Variants in ESR1 observed in about 807,000 individuals in gnomAD.
ESR1 encodes estrogen receptor.
ESR1 carries 12 observed loss-of-function variants against 52.7 expected under a neutral mutation model. The observed-to-expected ratio is 0.23, with a 90% CI of 0.15 to 0.37. The LOEUF is 0.37. Ranked by LOEUF, ESR1 falls within the 10% of genes least tolerant of loss-of-function variation. ESR1 has a pLI of 1.00. For synonymous variants in ESR1, 305 were observed against 316.8 expected (o/e 0.96, Z 0.39); for missense variants, 584 against 779.7 (o/e 0.75, Z 2.99).
chr6:152,086,302 C>T (rs139979387), intron 6 of ESR1, among the ~76,000 whole-genome samples: 148 of 151,334 alleles, frequency 9.8e-4, no homozygotes, highest in Middle Eastern at 3.4e-3. Context: ...AATATAGATC[C>T]GTAATGGCTT....
intron 6 of ESR1, among the ~76,000 whole-genome samples, chr6:152,113,478 G>A (rs189687281): frequency 1.6e-3 from 242 of 152,246 alleles, no homozygotes; most frequent in Admixed American, 7.0e-3. Context: ...CAGGGCTGTC[G>A]AGAGTCTGAG....
intron 4 of ESR1, among the ~76,000 whole-genome samples, chr6:151,949,716 G>A (rs1010941986): frequency 3.3e-5 from 5 of 152,218 alleles, no homozygotes; most frequent in Admixed American, 2.0e-4. Flanking sequence ...TACTGCTCCC[G>A]TGGAAGCTCT....
intron 2 of ESR1, among the ~76,000 whole-genome samples, chr6:151,740,285 ATT>A (rs386408967): frequency 2.2e-3 from 235 of 107,976 alleles, no homozygotes; most frequent in African/African-American, 7.8e-3. Context: ...TGCCTGGCTA[ATT>A]TTTTTTTTTT....
chr6:151,921,334 C>G (rs1280045951), intron 3 of ESR1, among the ~76,000 whole-genome samples: 1 of 152,162 alleles, frequency 6.6e-6, no homozygotes, highest in Non-Finnish European at 1.5e-5. Context: ...CAGTCTATCA[C>G]TGATAGGCAT....
chr6:151,974,559 T>G (rs2039247920), intron 4 of ESR1, among the ~76,000 whole-genome samples: 1 of 152,112 alleles, frequency 6.6e-6, no homozygotes, highest in Non-Finnish European at 1.5e-5. Flanking sequence ...CCATGCCAAA[T>G]TACATTAAAA....
intron 4 of ESR1, among the ~76,000 whole-genome samples, chr6:151,997,931 C>A (rs1315511666): frequency 6.6e-6 from 1 of 151,316 alleles, no homozygotes; most frequent in East Asian, 2.0e-4. Flanking sequence ...AGAGGTGTCC[C>A]CAAAGCTTTC....
chr6:151,725,568 G>A (rs1781778357), intron 2 of ESR1, among the ~76,000 whole-genome samples: 1 of 152,176 alleles, frequency 6.6e-6, no homozygotes, highest in Non-Finnish European at 1.5e-5. Flanking sequence ...CTAATTAATA[G>A]AGAAAAAGCA....
chr6:151,977,963 G>GAAAAAAAAAAAA (rs5880951), intron 4 of ESR1, among the ~76,000 whole-genome samples: 69 of 118,296 alleles, frequency 5.8e-4, no homozygotes, highest in Middle Eastern at 4.3e-3. Context: ...AAAAAAAAAA[G>GAAAAAAAAAAAA]AAAAAAAAAA....
chr6:151,873,644 C>G (rs9479136), intron 2 of ESR1, among the ~76,000 whole-genome samples: 1 of 152,178 alleles, frequency 6.6e-6, no homozygotes, highest in East Asian at 1.9e-4. Flanking sequence ...ACCTTAACAC[C>G]TAAAGGATAA....
At position 152,098,498 on chromosome 6, in the gene ESR1, A is replaced by G. The variant is rs1480485966; in HGVS notation, c.1554-234A>G. On this transcript the variant is annotated intron_variant, in intron 7 of 7. Transcript: ENST00000206249. The surrounding 1 kb of genome is among the most constrained non-coding windows in gnomAD (Gnocchi z 5.1). ...GCTGCAGGGAGAGTGTGAGGGTGGG[A>G]CCGCCCTGGTAGGAGGTGGAAAATG... is the stretch of plus-strand genomic sequence containing the variant. 1.3e-5 allele frequency among the ~76,000 whole-genome samples: 2 copies of G among 151,946 alleles called. No homozygotes were observed. The highest frequency in any genetic ancestry group is 1.5e-5 in the Non-Finnish European group (1 of 67,990).
intron 4 of ESR1, among the ~76,000 whole-genome samples, chr6:151,953,770 A>G (rs752851324): frequency 1.4e-4 from 22 of 152,254 alleles, no homozygotes; most frequent in Admixed American, 2.6e-4. Context: ...GAGCAGAATT[A>G]AAAGAGAAGA....
At chr6:151,802,146 A>G (rs534124968), upstream of ESR1, among the ~76,000 whole-genome samples, 1 of 152,340 alleles carries the variant, frequency 6.6e-6, no homozygotes, top group Admixed American at 6.5e-5. Context: ...TTCATTGTAT[A>G]TAAATTTTGC....
chr6:151,933,865 C>T (rs1052077049), intron 3 of ESR1, among the ~76,000 whole-genome samples: 27 of 152,170 alleles, frequency 1.8e-4, no homozygotes, highest in Non-Finnish European at 3.5e-4. Context: ...TTTAAAATCA[C>T]CCTAATACAA....
chr6:152,045,951 T>A (rs1423233376), intron 5 of ESR1, among the ~76,000 whole-genome samples: 3 of 152,210 alleles, frequency 2.0e-5, no homozygotes, highest in African/African-American at 7.2e-5. Flanking sequence ...ACTGAAAAAG[T>A]CACTGAATCA....
intron 2 of ESR1, among the ~76,000 whole-genome samples, chr6:151,857,489 C>A (rs1333083859): frequency 2.1e-5 from 3 of 145,648 alleles, no homozygotes; most frequent in Non-Finnish European, 3.0e-5. Context: ...ACACACCCAC[C>A]CACCCACACA....
intron 2 of ESR1, among the ~76,000 whole-genome samples, chr6:151,779,006 T>G (rs745399008): frequency 6.6e-6 from 1 of 152,136 alleles, no homozygotes; most frequent in Non-Finnish European, 1.5e-5. Flanking sequence ...CTTTGTCAGA[T>G]GGATGGATTA....
At chr6:152,090,564 C>T (rs1322086881) in intron 6 of ESR1, among the ~76,000 whole-genome samples, 1 of 152,256 alleles carries the variant, frequency 6.6e-6, no homozygotes, top group African/African-American at 2.4e-5. Context: ...CTAGAGCTTC[C>T]TTCTGGGCAC....
At chr6:151,733,835 G>A (rs1212245040) in intron 2 of ESR1, among the ~76,000 whole-genome samples, 1 of 152,158 alleles carries the variant, frequency 6.6e-6, no homozygotes, top group Non-Finnish European at 1.5e-5. Flanking sequence ...ATCCTGTGGA[G>A]CTGTCTCTCT....
chr6:152,122,796 T>C, intron 6 of ESR1: 1 of 1,501,310 alleles, frequency 6.7e-7, no homozygotes, highest in African/African-American at 1.4e-5. Context: ...AGCCTGGCGA[T>C]CAGCTGCCAG....
Sources: allele counts gnomAD v4.1 joint callset (sites outside exome capture counted in the v4.1 genomes callset), GRCh38; gene constraint gnomAD v4.1.1; non-coding constraint Gnocchi (gnomAD v3.1); transcripts MANE v1.5; gene names NCBI Gene and HGNC (gene_info 2026-07-23, HGNC 2026-07-21).